Variants in ST6GAL2 observed in about 807,000 individuals in gnomAD.
ST6GAL2 encodes ST6 beta-galactoside alpha-2,6-sialyltransferase 2.
A neutral mutation model predicts 37.5 loss-of-function variants in ST6GAL2; 24 were observed. That is an observed-to-expected ratio of 0.64 (90% CI 0.46 to 0.90). The LOEUF (loss-of-function observed/expected upper bound fraction) is 0.90. ST6GAL2 is among the 40% of genes least tolerant of loss of function. The pLI, the probability that ST6GAL2 is intolerant of heterozygous loss-of-function variation, is 0.00. For synonymous variants in ST6GAL2, 306 were observed against 295.1 expected (o/e 1.04, Z -0.38); for missense variants, 715 against 712.7 (o/e 1.00, Z -0.04).
rs775787817 is a variant in ST6GAL2, at chr2:106,806,731, CG to C, written c.1536del (p.Gly513AlafsTer28). 21 of 1,614,006 alleles carry C rather than the reference CG, an allele frequency of 1.3e-5. No individual in the cohort carries two copies. The highest frequency in any genetic ancestry group is 1.8e-5 in the Non-Finnish European group (21 of 1,180,030). On this transcript the variant is annotated frameshift_variant, in exon 6 of 6. Coordinates refer to ENST00000409382, the MANE Select transcript of ST6GAL2 (RefSeq NM_001142351.2). LOFTEE classifies it low-confidence loss of function (END_TRUNC). ...GCAGGGCAGTGCACCGCCTGGAAGC[CG>C]GGAAGAACCACCTTGCCCTTGCGAT... ...DLHRKGKVVL[P>X]GFQAVHCPAP...
chr2:106,875,479 ATTCCACTTTTTC>A (rs1174978580), intron 1 of ST6GAL2, among the ~76,000 whole-genome samples: 6 of 152,210 alleles, frequency 3.9e-5, no homozygotes, highest in Non-Finnish European at 8.8e-5. Flanking sequence ...CACCCAGCCC[ATTCCACTTTTTC>A]TTTATATTCC....
upstream of ST6GAL2, chr2:106,886,339 T>C (rs1037990602): frequency 6.6e-6 from 1 of 152,022 alleles, no homozygotes; most frequent in Non-Finnish European, 1.5e-5. Flanking sequence ...GCGGGAGTCG[T>C]CCTGCCGCAG....
chr2:106,812,681 A>G (rs1429723034), intron 5 of ST6GAL2, among the ~76,000 whole-genome samples: 1 of 152,214 alleles, frequency 6.6e-6, no homozygotes, highest in East Asian at 1.9e-4. Flanking sequence ...CGGATACCAT[A>G]TATGCACAAA....
At chr2:106,825,517 T>A (rs1283839005) in intron 5 of ST6GAL2, among the ~76,000 whole-genome samples, 3 of 152,264 alleles carry the variant, frequency 2.0e-5, no homozygotes, top group Non-Finnish European at 4.4e-5. Flanking sequence ...GTATCTAACT[T>A]TTGCTTTGCA....
At chr2:106,877,687 T>A (rs895027969) in intron 1 of ST6GAL2, among the ~76,000 whole-genome samples, 1 of 152,158 alleles carries the variant, frequency 6.6e-6, no homozygotes, top group African/African-American at 2.4e-5. Context: ...TAAACAAGAG[T>A]GCTCAAATAC....
chr2:106,841,391 C>T (rs149197427), intron 2 of ST6GAL2, among the ~76,000 whole-genome samples: 6 of 152,334 alleles, frequency 3.9e-5, no homozygotes, highest in Non-Finnish European at 5.9e-5. Context: ...GCCCTAACAA[C>T]GCCTACTGTG....
chr2:106,806,037 A>G lies in ST6GAL2; in HGVS notation c.*641T>C, dbSNP rs1675404498. On this transcript the variant is annotated 3_prime_UTR_variant, in exon 6 of 6. Transcript: ENST00000409382. ...TTGGCTTTTTCTTGGACCTTTCAAGATGGATGTTTTCTGGTTTTAGAACTC... is the reference window on the plus strand; with the variant it reads ...TTGGCTTTTTCTTGGACCTTTCAAGGTGGATGTTTTCTGGTTTTAGAACTC... 6.6e-6 allele frequency: 1 copy of G among 152,324 alleles called. No homozygotes were observed. Among genetic ancestry groups the G allele is most frequent in the Non-Finnish European group, 1.5e-5 (1 of 68,180 alleles). The allele number at this position is 152,324 out of a possible 1,614,324, so 9.4% of individuals were successfully genotyped here. A position where few individuals can be genotyped will look rare whatever the true frequency, so the allele number is the denominator to read the frequency against.
chr2:106,842,377 T>G (rs373485100), intron 2 of ST6GAL2, among the ~76,000 whole-genome samples: 2 of 152,374 alleles, frequency 1.3e-5, no homozygotes, highest in African/African-American at 4.8e-5. Flanking sequence ...ATTTACCATC[T>G]TGGAGAAGGT....
At chr2:106,819,822 G>A (rs1675933555) in intron 5 of ST6GAL2, among the ~76,000 whole-genome samples, 3 of 151,588 alleles carry the variant, frequency 2.0e-5, no homozygotes, top group African/African-American at 4.8e-5. Context: ...GATATAAAGA[G>A]AAACAACAAA....
chr2:106,845,277 T>C (rs1295384415), intron 1 of ST6GAL2, among the ~76,000 whole-genome samples: 1 of 152,174 alleles, frequency 6.6e-6, no homozygotes, highest in East Asian at 1.9e-4. Context: ...AGTGCCTACC[T>C]GGATGTCTGG....
At chr2:106,824,400 A>C (rs1022385004) in intron 5 of ST6GAL2, among the ~76,000 whole-genome samples, 1 of 152,224 alleles carries the variant, frequency 6.6e-6, no homozygotes, top group Admixed American at 6.5e-5. Flanking sequence ...TGGGAGGCCA[A>C]GGTAGGCTGT....
rs750074911 is a variant in ST6GAL2, at chr2:106,843,818, C to G, written c.160G>C (p.Val54Leu). 3 of 1,611,652 alleles carry G rather than the reference C, an allele frequency of 1.9e-6. No homozygotes were observed. The African/African-American group carries it at 4.0e-5, about 22-fold the overall frequency. ...SFLETRRLLP[V>L]QGKQRAIMGA... ...ATGATGGCCCGCTGCTTCCCCTGCA[C>G]CGGCAGGAGCCTCCTGGTCTCCAGG... The change falls in exon 2 of 6, where the codon GTG becomes CTG. Residue 54 changes from valine (V) to leucine (L), a missense_variant. By Grantham distance (32) the Val-to-Leu change is conservative (BLOSUM62 1). This residue lies in a region of ST6GAL2 where 512 missense variants were observed against 488.8 expected (regional missense o/e 1.05). Coordinates refer to ENST00000409382, the MANE Select transcript of ST6GAL2 (RefSeq NM_001142351.2).
intron 5 of ST6GAL2, among the ~76,000 whole-genome samples, chr2:106,808,628 C>T (rs935293101): frequency 2.0e-5 from 3 of 152,088 alleles, no homozygotes; most frequent in East Asian, 3.9e-4. Context: ...GGAAGCAGTA[C>T]CCCCCAGATG....
intron 1 of ST6GAL2, among the ~76,000 whole-genome samples, chr2:106,849,324 G>T (rs904151304): frequency 6.6e-6 from 1 of 151,896 alleles, no homozygotes; most frequent in Non-Finnish European, 1.5e-5. Context: ...GGTCAGACAG[G>T]CCTCCATATA....
rs758858850 is a variant in ST6GAL2, at chr2:106,843,831, C to T, written c.147G>A (p.Arg49=). 6.2e-7 allele frequency: 1 copy of T among 1,612,268 alleles called. No homozygotes were observed. The highest frequency in any genetic ancestry group is 8.5e-7 in the Non-Finnish European group (1 of 1,179,458). ...VPSSLSFLET[R]RLLPVQGKQR... is the part of the protein sequence containing the mutation. ...GCTTCCCCTGCACCGGCAGGAGCCT[C>T]CTGGTCTCCAGGAAGGAGAGGGAGC... Residue 49 remains arginine, a synonymous_variant, in exon 2 of 6, where the codon AGG becomes AGA. Transcript: ENST00000409382.
At chr2:106,854,707 T>C (rs1349234313) in intron 1 of ST6GAL2, among the ~76,000 whole-genome samples, 1 of 152,116 alleles carries the variant, frequency 6.6e-6, no homozygotes, top group African/African-American at 2.4e-5. Flanking sequence ...CTCAAGCTAA[T>C]AAGCACAGAA....
chr2:106,815,508 T>A (rs956638313), intron 5 of ST6GAL2, among the ~76,000 whole-genome samples: 8 of 152,248 alleles, frequency 5.3e-5, no homozygotes, highest in Admixed American at 3.3e-4. Flanking sequence ...AACAAAAGTC[T>A]ATTTTCACCT....
chr2:106,855,411 TC>T (rs1677534990), intron 1 of ST6GAL2, among the ~76,000 whole-genome samples: 1 of 152,212 alleles, frequency 6.6e-6, no homozygotes, highest in Non-Finnish European at 1.5e-5. Flanking sequence ...TGGGTAAACT[TC>T]CTGTGTAACA....
At chr2:106,851,603 T>A (rs896341036) in intron 1 of ST6GAL2, among the ~76,000 whole-genome samples, 1 of 152,116 alleles carries the variant, frequency 6.6e-6, no homozygotes, top group East Asian at 1.9e-4. Context: ...TTTAACGATG[T>A]CCCTCTTAAG....
Sources: gnomAD v4.1 joint callset for allele counts (sites outside exome capture counted in the v4.1 genomes callset) on GRCh38, gnomAD v4.1.1 for gene constraint, gnomAD v4.1.1 regional missense constraint, MANE v1.5 for transcripts, NCBI Gene and HGNC (gene_info 2026-07-23, HGNC 2026-07-21) for gene names.